The following PAFAH1B1 variants were observed in gnomAD, a reference collection of about 807,000 sequenced individuals.
PAFAH1B1 encodes platelet-activating factor acetylhydrolase IB subunit beta.
In PAFAH1B1, 2 loss-of-function variants were observed where a neutral mutation model predicts 57.5. That is an observed-to-expected ratio of 0.03 (90% CI 0.01 to 0.11). The LOEUF (loss-of-function observed/expected upper bound fraction) is 0.11, where lower values mean the gene tolerates loss of function less well. Among genes scored for constraint, PAFAH1B1 ranks in the 10% least tolerant of loss-of-function variants. The pLI is 1.00. For synonymous variants in PAFAH1B1, 152 were observed against 169.6 expected (o/e 0.90, Z 0.81); for missense variants, 257 against 512.0 (o/e 0.50, Z 4.81).
Position 2,614,308 on chromosome 17 carries a change from C to T in PAFAH1B1, c.-191+20302C>T, listed in dbSNP as rs530514335. ...CTCCCAAAGTGCTGGATTAGTGAGC[C>T]GTGGCACTTACCTAGCCAGTATATT... is the stretch of plus-strand genomic sequence containing the variant. On this transcript the variant is annotated intron_variant, in intron 1 of 10. Transcript: ENST00000397195. Among the ~76,000 whole-genome samples, 9 of 152,070 alleles carry T rather than the reference C, an allele frequency of 5.9e-5. No individual in the cohort carries two copies. The East Asian group carries it at 1.5e-3, about 26-fold the overall frequency.
intron 1 of PAFAH1B1, among the ~76,000 whole-genome samples, chr17:2,622,733 T>C (rs1476206687): frequency 6.6e-6 from 1 of 152,206 alleles, no homozygotes; most frequent in Non-Finnish European, 1.5e-5. Flanking sequence ...GGACTCACAG[T>C]AGGGACTCGT....
intron 9 of PAFAH1B1, among the ~76,000 whole-genome samples, chr17:2,678,569 G>A (rs2069311796): frequency 1.3e-5 from 2 of 149,496 alleles, no homozygotes; most frequent in Admixed American, 1.3e-4. Flanking sequence ...CTGTCTCCAG[G>A]AAAAAAAAAG....
chr17:2,631,655 C>G (rs1237922306), intron 1 of PAFAH1B1, among the ~76,000 whole-genome samples: 1 of 152,166 alleles, frequency 6.6e-6, no homozygotes, highest in Non-Finnish European at 1.5e-5. Context: ...GAGGGTCTTC[C>G]TTTCTCACTT....
intron 2 of PAFAH1B1, among the ~76,000 whole-genome samples, chr17:2,663,896 T>C (rs1440674105): frequency 6.6e-6 from 1 of 152,106 alleles, no homozygotes; most frequent in East Asian, 1.9e-4. Flanking sequence ...AGTTTCACCA[T>C]GTTGGCCAGG....
chr17:2,609,904 A>G (rs1423936776), intron 1 of PAFAH1B1, among the ~76,000 whole-genome samples: 1 of 152,152 alleles, frequency 6.6e-6, no homozygotes, highest in Non-Finnish European at 1.5e-5. Flanking sequence ...GGCTCACTGT[A>G]GCCTTTGCCT....
chr17:2,681,602 C>T, intron 10 of PAFAH1B1, 127 bp from the exon 11 acceptor site: 1 of 701,626 alleles, frequency 1.4e-6, no homozygotes, highest in Non-Finnish European at 2.5e-6. Flanking sequence ...GCTGGGACTA[C>T]AGGCACACAC....
At chr17:2,615,565 C>T (rs750107019) in intron 1 of PAFAH1B1, among the ~76,000 whole-genome samples, 25 of 152,034 alleles carry the variant, frequency 1.6e-4, no homozygotes, top group Non-Finnish European at 2.2e-4. Context: ...CTTAGCCTCC[C>T]GAGTAGCTGA....
intron 1 of PAFAH1B1, among the ~76,000 whole-genome samples, chr17:2,604,744 A>G (rs2068186703): frequency 6.6e-6 from 1 of 152,070 alleles, no homozygotes; most frequent in African/African-American, 2.4e-5. Context: ...CAGGAGGAGT[A>G]TTGGAGTGAG....
intron 2 of PAFAH1B1, among the ~76,000 whole-genome samples, chr17:2,664,665 GCTCT>G (rs1555526143): frequency 1.2e-5 from 1 of 86,026 alleles, no homozygotes; most frequent in African/African-American, 3.9e-5. Flanking sequence ...TCTATCTATC[GCTCT>G]CTCTCTCTCT....
At chr17:2,660,611 C>A (rs979642879) in intron 2 of PAFAH1B1, among the ~76,000 whole-genome samples, 5 of 152,172 alleles carry the variant, frequency 3.3e-5, no homozygotes, top group Non-Finnish European at 1.5e-5. Flanking sequence ...GCATAGTATT[C>A]CATGGTGTAT....
chr17:2,669,793 A>T (rs1484820683), intron 5 of PAFAH1B1, among the ~76,000 whole-genome samples: 2 of 148,336 alleles, frequency 1.3e-5, no homozygotes, highest in Non-Finnish European at 3.0e-5. Context: ...TTTCCTTTCC[A>T]TCTCTTTCTC....
intron 1 of PAFAH1B1, among the ~76,000 whole-genome samples, chr17:2,618,565 A>G (rs181371838): frequency 1.3e-5 from 2 of 152,134 alleles, no homozygotes; most frequent in African/African-American, 2.4e-5. Flanking sequence ...CAATGATTTT[A>G]TAGGAAAATT....
intron 8 of PAFAH1B1, among the ~76,000 whole-genome samples, chr17:2,675,106 A>G (rs1471305614): frequency 6.6e-6 from 1 of 152,146 alleles, no homozygotes; most frequent in African/African-American, 2.4e-5. Flanking sequence ...GGTTCAGGCG[A>G]TTCTCCTGCC....
At position 2,685,053 on chromosome 17, in the gene PAFAH1B1, C is replaced by G. The variant is rs894719737; in HGVS notation, c.*3251C>G. The G allele has an allele frequency of 6.6e-5, 10 of 151,968 alleles. No homozygotes were observed. The highest frequency in any genetic ancestry group is 3.3e-4 in the Admixed American group (5 of 15,230). The allele number at this position is 151,968 out of a possible 1,614,324, so 9.4% of individuals were successfully genotyped here. A position where few individuals can be genotyped will look rare whatever the true frequency, so the allele number is the denominator to read the frequency against. ...AAAAGGCACTTAAATTGGTTACTTT[C>G]ATGTCCAGCTGTATATAAGTCCAGT... On this transcript the variant is annotated 3_prime_UTR_variant, in exon 11 of 11. Coordinates refer to ENST00000397195, the MANE Select transcript of PAFAH1B1 (RefSeq NM_000430.4).
At chr17:2,644,984 C>T (rs2068747848) in intron 2 of PAFAH1B1, among the ~76,000 whole-genome samples, 1 of 152,110 alleles carries the variant, frequency 6.6e-6, no homozygotes, top group Non-Finnish European at 1.5e-5. Context: ...TGGTGACTCA[C>T]ACCTATAATC....
rs570586426 is a variant in PAFAH1B1 at position 2,642,840 on chromosome 17, G to T, written c.32+4520G>T. Among the ~76,000 whole-genome samples the T allele has an allele frequency of 6.6e-5, 10 of 152,044 alleles. No homozygotes were observed. The East Asian group carries it at 1.7e-3, about 27-fold the overall frequency. On this transcript the variant is annotated intron_variant, in intron 2 of 10. Coordinates refer to ENST00000397195, the MANE Select transcript of PAFAH1B1 (RefSeq NM_000430.4). ...AAATATAGTTGGGTTCATCTTGCTT[G>T]TTTTCATCCTCCCCCTCACTCCCCG...
chr17:2,616,966 G>A (rs1467950236), intron 1 of PAFAH1B1, among the ~76,000 whole-genome samples: 1 of 151,956 alleles, frequency 6.6e-6, no homozygotes, highest in African/African-American at 2.4e-5. Context: ...CCAGCTACTC[G>A]GGAGGCTGAG....
rs188305120 is a variant in PAFAH1B1, at chr17:2,598,121, C to T, written c.-191+4115C>T. On this transcript the variant is annotated intron_variant, in intron 1 of 10. Transcript: ENST00000397195. Reference sequence around the variant, plus strand: ...AAAATTAGCCGGGCATGGTGGCGCACACCTGTAGTTCCAGCTACTGGGGAG... The same window carrying T: ...AAAATTAGCCGGGCATGGTGGCGCATACCTGTAGTTCCAGCTACTGGGGAG... Among the ~76,000 whole-genome samples, 824 of 152,070 alleles carry T rather than the reference C, an allele frequency of 5.4e-3. 6 individuals carry two copies. The highest frequency in any genetic ancestry group is 0.016 in the South Asian group (77 of 4,818).
intron 1 of PAFAH1B1, among the ~76,000 whole-genome samples, chr17:2,631,344 G>C (rs1310199799): frequency 6.6e-6 from 1 of 152,312 alleles, no homozygotes; most frequent in East Asian, 1.9e-4. Context: ...AGTCTGTGAA[G>C]TCTGCATGCC....
Sources: allele counts gnomAD v4.1 joint callset (sites outside exome capture counted in the v4.1 genomes callset), GRCh38; gene constraint gnomAD v4.1.1; transcripts MANE v1.5; gene names NCBI Gene and HGNC (gene_info 2026-07-23, HGNC 2026-07-21).